Variants in CTNNA3 observed in about 807,000 individuals in gnomAD.
CTNNA3 encodes the protein catenin alpha 3, also known as catenin alpha-3.
A neutral mutation model predicts 95.7 loss-of-function variants in CTNNA3; 76 were observed. The observed-to-expected ratio is 0.79, with a 90% confidence interval of 0.66 to 0.96. CTNNA3 has a LOEUF of 0.96. Among genes scored for constraint, CTNNA3 ranks in the 40% least tolerant of loss-of-function variants. The probability of loss-of-function intolerance (pLI) is 0.00; values close to 1 mark genes in which losing one functional copy is unlikely to be tolerated. For missense variants in CTNNA3, 1,191 were observed against 1,089.8 expected (o/e 1.09, Z -1.31); for synonymous variants, 431 against 374.4 (o/e 1.15, Z -1.74).
At chr10:67,503,011 G>A (rs972381894) in intron 5 of CTNNA3, among the ~76,000 whole-genome samples, 1 of 152,110 alleles carries the variant, frequency 6.6e-6, no homozygotes, top group African/African-American at 2.4e-5. Flanking sequence ...TTGTCACTGG[G>A]GTATGAAACA....
At chr10:66,839,356 AG>A (rs987467273) in intron 7 of CTNNA3, among the ~76,000 whole-genome samples, 2 of 152,170 alleles carry the variant, frequency 1.3e-5, no homozygotes, top group African/African-American at 4.8e-5. Flanking sequence ...ATCATAACCT[AG>A]AAAATGAAAA....
chr10:66,089,701 T>A (rs115050449), intron 14 of CTNNA3, among the ~76,000 whole-genome samples: 3,212 of 151,720 alleles, frequency 0.021, 110 homozygotes, highest in African/African-American at 0.074. Context: ...TTTCTAATTA[T>A]AATATTACAA....
chr10:67,675,899 G>C (rs1396749677), intron 1 of CTNNA3, among the ~76,000 whole-genome samples: 1 of 151,784 alleles, frequency 6.6e-6, no homozygotes, highest in Non-Finnish European at 1.5e-5. Flanking sequence ...TTTACTTTAT[G>C]GCTATGTTTT....
At chr10:67,640,886 C>CA (rs1473647217) in intron 2 of CTNNA3, among the ~76,000 whole-genome samples, 63 of 152,016 alleles carry the variant, frequency 4.1e-4, no homozygotes, top group Admixed American at 1.1e-3. Flanking sequence ...ATGTTAGACC[C>CA]AAAACCATAA....
intron 7 of CTNNA3, among the ~76,000 whole-genome samples, chr10:67,001,161 G>T (rs1851662120): frequency 6.6e-6 from 1 of 150,902 alleles, no homozygotes; most frequent in African/African-American, 2.4e-5. Context: ...ATTAGCTAGG[G>T]GTGGTGGTGT....
intron 5 of CTNNA3, among the ~76,000 whole-genome samples, chr10:67,399,551 A>G (rs1656517442): frequency 6.6e-6 from 1 of 152,152 alleles, no homozygotes; most frequent in Admixed American, 6.5e-5. Flanking sequence ...TGGGCATTTT[A>G]TGCTTTCTCA....
At chr10:66,875,554 C>G (rs1287014573) in intron 7 of CTNNA3, among the ~76,000 whole-genome samples, 1 of 152,120 alleles carries the variant, frequency 6.6e-6, no homozygotes, top group Non-Finnish European at 1.5e-5. Context: ...CTTGCTGATT[C>G]AATCTATCAA....
intron 15 of CTNNA3, among the ~76,000 whole-genome samples, chr10:65,996,704 C>A (rs2078668762): frequency 6.6e-6 from 1 of 152,092 alleles, no homozygotes; most frequent in Non-Finnish European, 1.5e-5. Flanking sequence ...ATTGCAGGAG[C>A]CCATCATGGG....
chr10:66,909,951 G>T (rs1487642652), intron 7 of CTNNA3, among the ~76,000 whole-genome samples: 1 of 151,958 alleles, frequency 6.6e-6, no homozygotes, highest in Non-Finnish European at 1.5e-5. Flanking sequence ...CACAATCCCT[G>T]AATTTAAAGA....
chr10:66,060,705 T>A lies in CTNNA3; in HGVS notation c.2159+8603A>T, dbSNP rs371722089. ...GATCCCATCTCCTATTTCACACCAC[T>A]GAATATCTACCCCCACCTCAGCCCA... is the stretch of plus-strand genomic sequence containing the variant. On this transcript the variant is annotated intron_variant, in intron 15 of 17. Coordinates refer to ENST00000433211, the MANE Select transcript of CTNNA3 (RefSeq NM_013266.4). Among the ~76,000 whole-genome samples, 5 of 152,250 alleles carry A rather than the reference T, an allele frequency of 3.3e-5. No homozygotes were observed. The East Asian group carries it at 5.8e-4, about 18-fold the overall frequency.
chr10:67,357,638 A>G (rs1842858858), intron 5 of CTNNA3, among the ~76,000 whole-genome samples: 1 of 152,108 alleles, frequency 6.6e-6, no homozygotes, highest in Admixed American at 6.6e-5. Flanking sequence ...AACCATCATA[A>G]TAAAAATACA....
intron 12 of CTNNA3, among the ~76,000 whole-genome samples, chr10:66,294,289 C>T (rs1250826087): frequency 6.6e-6 from 1 of 152,086 alleles, no homozygotes; most frequent in African/African-American, 2.4e-5. Flanking sequence ...TGGTTTTCAA[C>T]TCTGTTCCAA....
intron 2 of CTNNA3, among the ~76,000 whole-genome samples, chr10:67,645,833 C>T (rs1018249207): frequency 2.0e-5 from 3 of 151,048 alleles, no homozygotes; most frequent in African/African-American, 7.3e-5. Flanking sequence ...TTAAACCATG[C>T]TTACAAATAA....
At chr10:66,264,369 T>C (rs539715557) in intron 13 of CTNNA3, among the ~76,000 whole-genome samples, 1 of 152,098 alleles carries the variant, frequency 6.6e-6, no homozygotes, top group Admixed American at 6.6e-5. Context: ...CTAAAATATG[T>C]TTTGAATTTG....
At chr10:66,690,645 C>T (rs1215217150) in intron 9 of CTNNA3, among the ~76,000 whole-genome samples, 2 of 151,016 alleles carry the variant, frequency 1.3e-5, no homozygotes, top group African/African-American at 4.9e-5. Flanking sequence ...CTACAAAGGA[C>T]ATGAACTCAT....
chr10:66,108,686 T>C (rs182272429), intron 13 of CTNNA3, among the ~76,000 whole-genome samples: 1 of 152,280 alleles, frequency 6.6e-6, no homozygotes. Flanking sequence ...AGGGATGTTG[T>C]TTGTCTTGTT....
intron 5 of CTNNA3, among the ~76,000 whole-genome samples, chr10:67,269,688 A>T (rs1838876870): frequency 6.6e-6 from 1 of 152,182 alleles, no homozygotes; most frequent in Non-Finnish European, 1.5e-5. Context: ...GAAATGGTGA[A>T]CATATCAGAT....
chr10:66,483,963 C>A (rs2131910950), intron 11 of CTNNA3, among the ~76,000 whole-genome samples: 1 of 152,196 alleles, frequency 6.6e-6, no homozygotes, highest in Non-Finnish European at 1.5e-5. Flanking sequence ...TACTACAATA[C>A]TTTTTCCCCA....
At chr10:66,890,191 G>C (rs1312967376) in intron 7 of CTNNA3, among the ~76,000 whole-genome samples, 1 of 152,138 alleles carries the variant, frequency 6.6e-6, no homozygotes, top group Admixed American at 6.6e-5. Context: ...ATGCAGAATA[G>C]ATAGATAAAT....
Sources: gnomAD v4.1 joint callset for allele counts (sites outside exome capture counted in the v4.1 genomes callset) on GRCh38, gnomAD v4.1.1 for gene constraint, MANE v1.5 for transcripts, NCBI Gene and HGNC (gene_info 2026-07-23, HGNC 2026-07-21) for gene names.